Variants in PRKAR1B observed in about 807,000 individuals in gnomAD.
PRKAR1B encodes the protein protein kinase cAMP-dependent type I regulatory subunit beta.
PRKAR1B carries 22 observed loss-of-function variants against 46.5 expected under a neutral mutation model. The ratio of observed to expected loss-of-function variants is 0.47; its 90% CI spans 0.34 to 0.68. PRKAR1B has a LOEUF of 0.68. PRKAR1B is among the 30% of genes least tolerant of loss of function. The pLI is 0.01. For missense variants in PRKAR1B, 445 were observed against 535.6 expected (o/e 0.83, Z 1.67); for synonymous variants, 259 against 217.7 (o/e 1.19, Z -1.67).
intron 9 of PRKAR1B, chr7:565,336 T>C (rs1357514761): frequency 2.6e-5 from 4 of 152,158 alleles, no homozygotes; most frequent in Non-Finnish European, 5.9e-5. Context: ...AATATGTCCC[T>C]CGGATCCAAA....
At chr7:680,840 G>C (rs900000255) in intron 2 of PRKAR1B, 114 bp from the exon 3 acceptor site, 2 of 1,225,334 alleles carry the variant, frequency 1.6e-6, no homozygotes, top group Non-Finnish European at 2.3e-6. Context: ...AGGATCGCTT[G>C]AACTCAGGAG....
At chr7:711,573 G>C (rs1780632663) in intron 1 of PRKAR1B, 46 bp from the exon 2 acceptor site, 2 of 1,552,148 alleles carry the variant, frequency 1.3e-6, no homozygotes, top group Non-Finnish European at 1.8e-6. Context: ...GCTGCCCGGG[G>C]CTGCGCGCCG....
chr7:596,942 C>A (rs1054630869), intron 6 of PRKAR1B, among the ~76,000 whole-genome samples: 1 of 152,266 alleles, frequency 6.6e-6, no homozygotes, highest in Admixed American at 6.5e-5. Context: ...CTGGGCGCTG[C>A]GGCCGAGCTG....
chr7:629,593 G>A (rs868628813), intron 4 of PRKAR1B, among the ~76,000 whole-genome samples: 283 of 85,608 alleles, frequency 3.3e-3, no homozygotes, highest in African/African-American at 0.012. Flanking sequence ...GCTGGAAAAC[G>A]CTGCAGGAGC....
intron 2 of PRKAR1B, among the ~76,000 whole-genome samples, chr7:684,394 C>A (rs1427244715): frequency 6.6e-6 from 1 of 152,206 alleles, no homozygotes; most frequent in Non-Finnish European, 1.5e-5. Flanking sequence ...TTCCCTCTAG[C>A]GACCTCTCGA....
rs1347914615 is a variant in PRKAR1B at position 657,299 on chromosome 7, G to T, written c.440+19930C>A. On this transcript the variant is annotated intron_variant, in intron 4 of 10. Transcript: ENST00000537384. ...TGGATGGATGGATGGATGGATGGAT[G>T]GATGAATGAATGAGTGAACAAATGA... Among the ~76,000 whole-genome samples, 3 of 146,822 alleles carry T rather than the reference G, an allele frequency of 2.0e-5. No homozygotes were observed. In the East Asian group the frequency reaches 5.8e-4, roughly 28 times the overall value.
intron 1 of PRKAR1B, among the ~76,000 whole-genome samples, chr7:721,912 C>G (rs1337740944): frequency 6.6e-6 from 1 of 152,048 alleles, no homozygotes; most frequent in Non-Finnish European, 1.5e-5. Flanking sequence ...TGGTGTTCCT[C>G]TCTAGGCAAG....
intron 6 of PRKAR1B, among the ~76,000 whole-genome samples, chr7:598,845 G>A (rs1037815604): frequency 6.6e-6 from 1 of 152,226 alleles, no homozygotes; most frequent in Admixed American, 6.5e-5. Context: ...AGGGAATGAG[G>A]ACACCACCCC....
intron 9 of PRKAR1B, among the ~76,000 whole-genome samples, chr7:555,582 C>A (rs1201116460): frequency 2.6e-5 from 4 of 152,190 alleles, no homozygotes; most frequent in African/African-American, 9.6e-5. Flanking sequence ...GTCTTTCCCT[C>A]CAGCCCGACC....
At chr7:624,797 T>C (rs755933172) in intron 4 of PRKAR1B, among the ~76,000 whole-genome samples, 4 of 152,186 alleles carry the variant, frequency 2.6e-5, no homozygotes, top group Non-Finnish European at 5.9e-5. Flanking sequence ...CAGCTAGTTA[T>C]TGACAGATCC....
intron 4 of PRKAR1B, among the ~76,000 whole-genome samples, chr7:636,410 G>GGCCGCGCCCACACGTCCTCCACCA (rs1784098378): frequency 1.1e-5 from 1 of 89,046 alleles, no homozygotes; most frequent in Admixed American, 1.1e-4. Context: ...GTCCTCCACC[G>GGCCGCGCCCACACGTCCTCCACCA]GCCGCGCCCA....
At chr7:700,190 C>T (rs980801116) in intron 2 of PRKAR1B, among the ~76,000 whole-genome samples, 10 of 152,176 alleles carry the variant, frequency 6.6e-5, no homozygotes, top group Non-Finnish European at 4.4e-5. Context: ...GAGGACTGAG[C>T]TGCAAGCAAA....
chr7:633,793 A>G (rs1783892984), intron 4 of PRKAR1B, among the ~76,000 whole-genome samples: 2 of 152,114 alleles, frequency 1.3e-5, no homozygotes, highest in South Asian at 4.1e-4. Context: ...CAGCGAGGAC[A>G]CAGCTCCTGT....
intron 9 of PRKAR1B, among the ~76,000 whole-genome samples, chr7:569,635 CTGTGTG>C (rs1348668222): frequency 6.6e-6 from 1 of 152,192 alleles, no homozygotes; most frequent in Non-Finnish European, 1.5e-5. Flanking sequence ...CCGGGTGGAC[CTGTGTG>C]TCCCTCTCGG....
rs1158323459 is a variant in PRKAR1B, at chr7:724,102, G to A, written c.-23+3108C>T. The stretch of plus-strand genomic sequence containing the variant: ...ACAGGATCACTTCCTGAACTATGGG[G>A]GTTAGGACTTCAGCATATGAATTTT... On this transcript the variant is annotated intron_variant, in intron 1 of 10. Coordinates refer to ENST00000537384, the MANE Select transcript of PRKAR1B (RefSeq NM_001164760.2). 2.6e-5 allele frequency among the ~76,000 whole-genome samples: 4 copies of A among 152,146 alleles called. No individual in the cohort carries two copies. In the East Asian group the frequency reaches 7.7e-4, roughly 29 times the overall value.
intron 4 of PRKAR1B, among the ~76,000 whole-genome samples, chr7:635,756 G>T (rs1162957875): frequency 6.6e-6 from 1 of 152,128 alleles, no homozygotes; most frequent in African/African-American, 2.4e-5. Flanking sequence ...CTGGAGCTCA[G>T]TGCAAAGGTA....
chr7:628,792 T>C (rs1273425243), intron 4 of PRKAR1B, among the ~76,000 whole-genome samples: 1 of 151,470 alleles, frequency 6.6e-6, no homozygotes, highest in African/African-American at 2.4e-5. Flanking sequence ...CCTCGCCTTT[T>C]CCAAGAAACC....
At chr7:720,015 T>C in intron 1 of PRKAR1B, among the ~76,000 whole-genome samples, 1 of 152,182 alleles carries the variant, frequency 6.6e-6, no homozygotes. Flanking sequence ...GTAAGTGTGA[T>C]TCCATTATTG....
At chr7:726,051 C>T (rs1781254405) in intron 1 of PRKAR1B, among the ~76,000 whole-genome samples, 1 of 151,746 alleles carries the variant, frequency 6.6e-6, no homozygotes, top group East Asian at 1.9e-4. Flanking sequence ...AATAAAGCTC[C>T]AGTGTCCTTT....
Sources: gnomAD v4.1 joint callset for allele counts (sites outside exome capture counted in the v4.1 genomes callset) on GRCh38, gnomAD v4.1.1 for gene constraint, MANE v1.5 for transcripts, NCBI Gene and HGNC (gene_info 2026-07-23, HGNC 2026-07-21) for gene names.